Variants in TMEM178B observed in about 807,000 individuals in gnomAD.
TMEM178B encodes the protein transmembrane protein 178B.
A neutral mutation model predicts 31.0 loss-of-function variants in TMEM178B; 5 were observed. That is an observed-to-expected ratio of 0.16 (90% CI 0.08 to 0.34). The LOEUF (loss-of-function observed/expected upper bound fraction) is 0.34. TMEM178B is among the 10% of genes least tolerant of loss of function. The pLI is 1.00. For synonymous variants in TMEM178B, 164 were observed against 164.0 expected, an observed-to-expected ratio of 1.00 and a Z score of 0.00; for missense variants, 275 against 400.3, an observed-to-expected ratio of 0.69 and a Z score of 2.67.
At chr7:141,400,668 T>C (rs1800744595) in intron 2 of TMEM178B, among the ~76,000 whole-genome samples, 1 of 152,214 alleles carries the variant, frequency 6.6e-6, no homozygotes, top group South Asian at 2.1e-4. Context: ...AAGGGCCTCC[T>C]TAACACTCTC....
intron 1 of TMEM178B, among the ~76,000 whole-genome samples, chr7:141,183,347 A>C (rs1264479829): frequency 2.0e-5 from 3 of 152,194 alleles, no homozygotes; most frequent in Admixed American, 2.0e-4. Flanking sequence ...TAATTGTTGA[A>C]AATGCACAGG....
At chr7:141,487,236 C>T in the TMEM178B span, among the ~76,000 whole-genome samples, 3 of 152,230 alleles carry the variant, frequency 2.0e-5, no homozygotes, top group South Asian at 6.2e-4. Flanking sequence ...TACCAAGGGA[C>T]ATGCAGTTTC....
At chr7:141,239,924 A>G (rs1020465521) in intron 2 of TMEM178B, among the ~76,000 whole-genome samples, 1 of 152,236 alleles carries the variant, frequency 6.6e-6, no homozygotes, top group Non-Finnish European at 1.5e-5. Flanking sequence ...CATAAGCCAC[A>G]GATTTAACAT....
At chr7:141,504,125 A>C in the TMEM178B span, among the ~76,000 whole-genome samples, 2 of 152,224 alleles carry the variant, frequency 1.3e-5, no homozygotes, top group African/African-American at 4.8e-5. Context: ...TTACTATTCT[A>C]ATCACACCTG....
chr7:141,113,388 G>C (rs1166112245), intron 1 of TMEM178B, among the ~76,000 whole-genome samples: 1 of 152,144 alleles, frequency 6.6e-6, no homozygotes, highest in East Asian at 1.9e-4. Flanking sequence ...CACACCATCA[G>C]ACTTGAAAAC....
intron 1 of TMEM178B, among the ~76,000 whole-genome samples, chr7:141,165,149 A>G (rs1193798482): frequency 6.7e-6 from 1 of 150,360 alleles, no homozygotes. Flanking sequence ...TCAACCTGAT[A>G]ATATTATTTA....
chr7:141,203,675 T>G (rs191793531), intron 1 of TMEM178B, among the ~76,000 whole-genome samples: 15 of 152,350 alleles, frequency 9.8e-5, no homozygotes, highest in African/African-American at 3.1e-4. Flanking sequence ...AAGGCCAGAC[T>G]CTGCATCCCA....
At chr7:141,349,179 G>C in intron 2 of TMEM178B, among the ~76,000 whole-genome samples, 1 of 152,030 alleles carries the variant, frequency 6.6e-6, no homozygotes, top group East Asian at 1.9e-4. Context: ...TATTTTTAAA[G>C]TATTCTATTT....
At chr7:141,402,095 G>A (rs1005742594) in intron 2 of TMEM178B, among the ~76,000 whole-genome samples, 2 of 152,142 alleles carry the variant, frequency 1.3e-5, no homozygotes, top group African/African-American at 4.8e-5. Context: ...GTGCCAGGGA[G>A]ACACAAAGAA....
At chr7:141,222,731 T>C (rs1426899562) in intron 2 of TMEM178B, among the ~76,000 whole-genome samples, 1 of 151,990 alleles carries the variant, frequency 6.6e-6, no homozygotes, top group Non-Finnish European at 1.5e-5. Context: ...TCTTGGTGAG[T>C]GTTGGGGGTT....
intron 1 of TMEM178B, among the ~76,000 whole-genome samples, chr7:141,179,144 A>G (rs192358522): frequency 1.3e-5 from 2 of 152,362 alleles, no homozygotes; most frequent in Admixed American, 1.3e-4. Flanking sequence ...ATAAGACTTC[A>G]GACTAGAAAG....
At chr7:141,193,890 G>A (rs1796738046) in intron 1 of TMEM178B, among the ~76,000 whole-genome samples, 1 of 152,282 alleles carries the variant, frequency 6.6e-6, no homozygotes, top group African/African-American at 2.4e-5. Context: ...TTGCCATTCC[G>A]GGCCTTGTAG....
intron 2 of TMEM178B, among the ~76,000 whole-genome samples, chr7:141,285,150 GT>G (rs1179131184): frequency 1.3e-5 from 1 of 78,962 alleles, no homozygotes; most frequent in African/African-American, 4.7e-5. Context: ...CAGGATTCTT[GT>G]TTCTTTTTTT....
chr7:141,299,388 C>T (rs974258734), intron 2 of TMEM178B, among the ~76,000 whole-genome samples: 6 of 151,984 alleles, frequency 3.9e-5, no homozygotes, highest in South Asian at 2.1e-4. Flanking sequence ...ACATTAATGA[C>T]GGTAGTCTTT....
chr7:141,419,244 A>G (rs1406355269), intron 2 of TMEM178B, among the ~76,000 whole-genome samples: 13 of 152,152 alleles, frequency 8.5e-5, no homozygotes, highest in Non-Finnish European at 1.6e-4. Flanking sequence ...CTCCAAAAAA[A>G]AGAAAGAAAA....
chr7:141,269,195 A>G (rs1314226099), intron 2 of TMEM178B, among the ~76,000 whole-genome samples: 1 of 151,650 alleles, frequency 6.6e-6, no homozygotes, highest in Non-Finnish European at 1.5e-5. Flanking sequence ...GGTTCAAGCA[A>G]TTCTCATGTC....
intron 1 of TMEM178B, among the ~76,000 whole-genome samples, chr7:141,188,310 A>T (rs1005776065): frequency 6.6e-6 from 1 of 152,170 alleles, no homozygotes; most frequent in Non-Finnish European, 1.5e-5. Context: ...AATTATCCAA[A>T]ATCTGAAGAC....
At chr7:141,434,818 C>G (rs1335815739) in intron 2 of TMEM178B, among the ~76,000 whole-genome samples, 1 of 152,164 alleles carries the variant, frequency 6.6e-6, no homozygotes, top group Admixed American at 6.5e-5. Flanking sequence ...TTGATTAGAT[C>G]AACATTTTTA....
chr7:141,250,056 A>G (rs972818121), intron 2 of TMEM178B, among the ~76,000 whole-genome samples: 3 of 152,216 alleles, frequency 2.0e-5, no homozygotes, highest in Admixed American at 6.5e-5. Context: ...ATAGTTAACT[A>G]TTGGTAATAA....
Sources: allele counts gnomAD v4.1 joint callset (sites outside exome capture counted in the v4.1 genomes callset), GRCh38; gene constraint gnomAD v4.1.1; transcripts MANE v1.5; gene names NCBI Gene and HGNC (gene_info 2026-07-23, HGNC 2026-07-21).